The following SUGP2 variants were observed in gnomAD, a reference collection of about 807,000 sequenced individuals.
SUGP2 encodes the protein SURP and G-patch domain containing 2.
SUGP2 carries 24 observed loss-of-function variants against 90.5 expected under a neutral mutation model. That is an observed-to-expected ratio of 0.27 (90% confidence interval 0.19 to 0.37). The LOEUF (loss-of-function observed/expected upper bound fraction) is 0.37, where lower values mean the gene tolerates loss of function less well. Among genes scored for constraint, SUGP2 ranks in the 10% least tolerant of loss-of-function variants. The probability of loss-of-function intolerance (pLI) is 1.00; values close to 1 mark genes in which losing one functional copy is unlikely to be tolerated. For missense variants in SUGP2, 1,233 were observed against 1,363.3 expected (o/e 0.90, Z 1.51); for synonymous variants, 473 against 513.4 (o/e 0.92, Z 1.06).
chr19:19,015,574 G>T (rs1258731039), intron 4 of SUGP2, among the ~76,000 whole-genome samples: 3 of 152,080 alleles, frequency 2.0e-5, no homozygotes, highest in African/African-American at 7.2e-5. Flanking sequence ...TGCGATCTTG[G>T]CTCACTGCAA....
chr19:18,997,164 C>T (rs541035719), intron 8 of SUGP2, among the ~76,000 whole-genome samples: 5 of 152,150 alleles, frequency 3.3e-5, no homozygotes, highest in Admixed American at 6.6e-5. Flanking sequence ...CAAATCCCCC[C>T]CTTGCCATCT....
chr19:19,020,234 C>T (rs985794594), intron 3 of SUGP2, among the ~76,000 whole-genome samples: 2 of 151,444 alleles, frequency 1.3e-5, no homozygotes, highest in Non-Finnish European at 2.9e-5. Context: ...TCGAGACCAG[C>T]CTGGCTAACA....
intron 4 of SUGP2, among the ~76,000 whole-genome samples, chr19:19,017,743 G>A (rs913905894): frequency 6.6e-6 from 1 of 151,994 alleles, no homozygotes; most frequent in African/African-American, 2.4e-5. Flanking sequence ...CTATACTCCA[G>A]CCTGGCGACA....
In SUGP2 at chr19:18,994,389, T is replaced by G. The variant is rs770015382; in HGVS notation, c.3226A>C (p.Arg1076=). 6.2e-7 allele frequency: 1 copy of G among 1,614,228 alleles called. No individual in the cohort carries two copies. The highest frequency in any genetic ancestry group is 1.7e-5 in the Admixed American group (1 of 60,030). Reference sequence around the variant, plus strand: ...ACCTATTTGTTGGCCCGCTTGTGTCTGTACATCTGCATCATCCTCTGTCGG... The same window carrying G: ...ACCTATTTGTTGGCCCGCTTGTGTCGGTACATCTGCATCATCCTCTGTCGG... ...VFRQRMMQMY[R]HKRANK is the part of the protein sequence containing the mutation. Residue 1076 remains arginine, a synonymous_variant, in exon 10 of 11, where the codon AGA becomes CGA. Transcript: ENST00000452918.
intron 6 of SUGP2, 130 bp from the exon 7 acceptor site, chr19:19,004,776 A>G (rs926012607): frequency 2.8e-6 from 2 of 713,920 alleles, no homozygotes; most frequent in Admixed American, 5.6e-5. Flanking sequence ...ACCAGTCTCT[A>G]CGCGGCTATG....
At position 18,994,405 on chromosome 19, in the gene SUGP2, C is replaced by G; in HGVS notation, c.3210G>C (p.Arg1070Ser). Reference protein sequence around the residue: ...KEDTFDVFRQRMMQMYRHKRA... With the variant: ...KEDTFDVFRQSMMQMYRHKRA... ...GCTTGTGTCTGTACATCTGCATCAT[C>G]CTCTGTCGGAACACATCGAATGTGT... Residue 1070 changes from arginine to serine, a missense_variant, in exon 10 of 11, where the codon AGG becomes AGC. By Grantham distance (110) the Arg-to-Ser change is moderately radical. This residue lies in a region of SUGP2 where 53 missense variants were observed against 55.3 expected (regional missense o/e 0.96). Transcript: ENST00000452918. 1 of 1,614,248 alleles carries G rather than the reference C, an allele frequency of 6.2e-7. No homozygotes were observed. Among genetic ancestry groups the G allele is most frequent in the Non-Finnish European group, 8.5e-7 (1 of 1,180,032 alleles).
chr19:19,003,982 A>G (rs546207933), intron 7 of SUGP2, among the ~76,000 whole-genome samples, 186 bp downstream of exon 7: 1 of 152,260 alleles, frequency 6.6e-6, no homozygotes, highest in Non-Finnish European at 1.5e-5. Context: ...GCCACAGGGT[A>G]GCAAGGAAAC....
chr19:19,001,562 A>C (rs1322925812), intron 8 of SUGP2, 51 bp downstream of exon 8: 1 of 1,586,208 alleles, frequency 6.3e-7, no homozygotes. Flanking sequence ...GAACTCCAAC[A>C]AATTCTAACC....
chr19:18,996,479 G>A (rs1338362263), intron 8 of SUGP2, among the ~76,000 whole-genome samples: 1 of 151,962 alleles, frequency 6.6e-6, no homozygotes, highest in African/African-American at 2.4e-5. Flanking sequence ...TCGGATTCCC[G>A]GCTTTAAGTG....
At position 18,995,294 on chromosome 19, in the gene SUGP2, A is replaced by G; in HGVS notation, c.2992-14T>C. ...GTCCTTGGGTTTCTGAGGAGAGAGG[A>G]GAGTCCAGGCATGTGGGCCACAGGG... On this transcript the variant is annotated splice_polypyrimidine_tract_variant and intron_variant, in intron 8 of 10. Coordinates refer to ENST00000452918, the MANE Select transcript of SUGP2 (RefSeq NM_001017392.5). 1.9e-6 allele frequency: 3 copies of G among 1,596,328 alleles called. No individual in the cohort carries two copies. Among genetic ancestry groups the G allele is most frequent in the African/African-American group, 1.3e-5 (1 of 74,718 alleles).
At chr19:19,033,525 T>C (rs1453851369), upstream of SUGP2, 25 of 1,399,274 alleles carry the variant, frequency 1.8e-5, no homozygotes, top group Non-Finnish European at 2.3e-5. Flanking sequence ...GACATGCAAA[T>C]GAACCAACGG....
intron 4 of SUGP2, among the ~76,000 whole-genome samples, chr19:19,010,611 C>T (rs1038663055): frequency 4.6e-5 from 7 of 152,174 alleles, no homozygotes; most frequent in South Asian, 2.1e-4. Context: ...CTCTTGATGG[C>T]CTGGAAACAC....
rs141675288 is a variant in SUGP2, at chr19:19,004,393, C to A, written c.2704G>T (p.Gly902Trp). 1.9e-6 allele frequency: 3 copies of A among 1,614,090 alleles called. No individual in the cohort carries two copies. The highest frequency in any genetic ancestry group is 2.2e-5 in the East Asian group (1 of 44,848). ...PEEEDEDDED[G>W]GEEAPAPGGA... is the part of the protein sequence containing the mutation. ...CCAGGAGCGGGGGCCTCCTCTCCCC[C>A]ATCCTCATCGTCCTCGTCCTCCTCC... Residue 902 changes from glycine (G) to tryptophan (W), a missense_variant, in exon 7 of 11, where the codon GGG (glycine) becomes TGG (tryptophan). By Grantham distance (184) the Gly-to-Trp change is radical (BLOSUM62 -2). This residue lies in a region of SUGP2 where 540 missense variants were observed against 542.6 expected (regional missense o/e 1.00). Transcript: ENST00000452918.
chr19:19,024,014 T>C (rs188075011), intron 3 of SUGP2, among the ~76,000 whole-genome samples: 7 of 152,236 alleles, frequency 4.6e-5, no homozygotes, highest in Admixed American at 2.6e-4. Context: ...CCGGATGATA[T>C]AGGTAAAATT....
In SUGP2 at chr19:19,010,191, G is replaced by A. The variant is rs200312727; in HGVS notation, c.2002C>T (p.Arg668Cys). Residue 668 changes from arginine (R) to cysteine (C), a missense_variant, in exon 5 of 11, where the codon CGC (arginine) becomes TGC (cysteine). By Grantham distance (180) the Arg-to-Cys change is radical. Transcript: ENST00000452918. ...GGAAGGAGTTTCTTCTTGAGGTTGCGGACAGCCCGGGAGTACAGCATGGCC... is the reference window on the plus strand; with the variant it reads ...GGAAGGAGTTTCTTCTTGAGGTTGCAGACAGCCCGGGAGTACAGCATGGCC... ...VRAMLYSRAV[R>C]NLKKKLLPWQ... 85 of 1,613,788 alleles carry A rather than the reference G, an allele frequency of 5.3e-5. No individual in the cohort carries two copies. The highest frequency in any genetic ancestry group is 6.9e-5 in the Non-Finnish European group (81 of 1,179,996).
intron 3 of SUGP2, 99 bp from the exon 4 acceptor site, chr19:19,019,328 G>T: frequency 7.3e-7 from 1 of 1,363,856 alleles, no homozygotes; most frequent in Non-Finnish European, 9.8e-7. Context: ...CTGAACCCAA[G>T]CAGGCATCAA....
At chr19:19,029,432 C>T in intron 2 of SUGP2, among the ~76,000 whole-genome samples, 1 of 146,924 alleles carries the variant, frequency 6.8e-6, no homozygotes, top group East Asian at 2.1e-4. Flanking sequence ...CTGCGCCCGG[C>T]CATTTTTTTT....
chr19:19,025,584 A>T lies in SUGP2; in HGVS notation c.764T>A (p.Ile255Lys), dbSNP rs1568455897. The T allele has an allele frequency of 1.9e-6, 3 of 1,613,302 alleles. No homozygotes were observed. Among genetic ancestry groups the T allele is most frequent in the East Asian group, 4.5e-5 (2 of 44,850 alleles). Reference sequence around the variant, plus strand: ...GGGAGTAATACGATTCACGGTGGGTATTTTTTTTGTGCTCACATTTCTCAA... The same window carrying T: ...GGGAGTAATACGATTCACGGTGGGTTTTTTTTTTGTGCTCACATTTCTCAA... ...VTLRNVSTKK[I>K]PTVNRITPKT... Residue 255 changes from isoleucine (I) to lysine (K), a missense_variant, in exon 3 of 11, where the codon ATA becomes AAA. Ile to Lys is a moderately radical substitution (Grantham distance 102). This residue lies in a region of SUGP2 where 418 missense variants were observed against 399.9 expected (regional missense o/e 1.05). Transcript: ENST00000452918.
intron 4 of SUGP2, among the ~76,000 whole-genome samples, chr19:19,010,648 C>A (rs2058274937): frequency 3.9e-5 from 6 of 152,198 alleles, no homozygotes; most frequent in Admixed American, 3.9e-4. Flanking sequence ...AGCCATAGCA[C>A]CCTGGCAGGC....
Sources: allele counts gnomAD v4.1 joint callset (sites outside exome capture counted in the v4.1 genomes callset), GRCh38; gene constraint gnomAD v4.1.1; regional missense constraint gnomAD v4.1.1; transcripts MANE v1.5; gene names NCBI Gene and HGNC (gene_info 2026-07-23, HGNC 2026-07-21).